The following TTC17 variants were observed in gnomAD, a reference collection of about 807,000 sequenced individuals.
The protein encoded by TTC17 is tetratricopeptide repeat protein 17.
In TTC17, 58 loss-of-function variants were observed where a neutral mutation model predicts 143.8. The observed-to-expected ratio is 0.40, with a 90% confidence interval of 0.33 to 0.50. The LOEUF (loss-of-function observed/expected upper bound fraction) is 0.50, where lower values mean the gene tolerates loss of function less well. TTC17 is among the 20% of genes least tolerant of loss of function. The pLI, the probability that TTC17 is intolerant of heterozygous loss-of-function variation, is 0.49. For synonymous variants in TTC17, 501 were observed against 497.8 expected, an observed-to-expected ratio of 1.01 and a Z score of -0.09; for missense variants, 1,273 against 1,392.5, an observed-to-expected ratio of 0.91 and a Z score of 1.37.
intron 21 of TTC17, among the ~76,000 whole-genome samples, chr11:43,476,690 CT>C (rs1180273171): frequency 6.6e-6 from 1 of 152,354 alleles, no homozygotes; most frequent in East Asian, 1.9e-4. Flanking sequence ...GGCACCAAGT[CT>C]CTAGGCTGCA....
intron 19 of TTC17, chr11:43,449,181 T>G (rs1302772288): frequency 6.6e-6 from 1 of 152,234 alleles, no homozygotes; most frequent in Non-Finnish European, 1.5e-5. Flanking sequence ...CTTAAAGCAC[T>G]CTAGGAAATT....
intron 21 of TTC17, among the ~76,000 whole-genome samples, chr11:43,466,092 T>C (rs895537622): frequency 2.0e-5 from 3 of 151,928 alleles, no homozygotes; most frequent in Non-Finnish European, 4.4e-5. Context: ...AAAAACAAAA[T>C]AACCCAATTA....
intron 2 of TTC17, among the ~76,000 whole-genome samples, chr11:43,383,157 A>C (rs1017982763): frequency 6.6e-6 from 1 of 152,126 alleles, no homozygotes; most frequent in Non-Finnish European, 1.5e-5. Context: ...TTGGGCTCCC[A>C]AAGGGCTGGG....
Position 43,492,021 on chromosome 11 carries a change from A to G in TTC17, c.3152A>G (p.Asp1051Gly). ...ALHYAPHQMKDVPLISLANIL... is the reference protein window; with the variant it reads ...ALHYAPHQMKGVPLISLANIL... ...TCACCATTCTCCTTCTTCTCCCAGG[A>G]TGTGCCCCTGATTAGCCTGGCCAAC... The change falls in exon 23 of 24, where the codon GAT (aspartate) becomes GGT (glycine). Residue 1051 changes from aspartate to glycine, a missense_variant and splice_region_variant. Around this residue, in one of 3 missense-constraint regions of TTC17, gnomAD observed 878 missense variants for 899.8 expected, o/e 0.98. Coordinates refer to ENST00000039989, the MANE Select transcript of TTC17 (RefSeq NM_018259.6). The G allele has an allele frequency of 6.2e-7, 1 of 1,613,502 alleles. No homozygotes were observed. The highest frequency in any genetic ancestry group is 8.5e-7 in the Non-Finnish European group (1 of 1,179,774).
rs747434307 is a variant in TTC17, at chr11:43,449,846, G to A, written c.2787-236G>A. On this transcript the variant is annotated intron_variant, in intron 19 of 23. Coordinates refer to ENST00000039989, the MANE Select transcript of TTC17 (RefSeq NM_018259.6). Reference sequence around the variant, plus strand: ...TTTCTGTGGGGAGGAATGTGCTGCTGTGCATAAAAGAAAACTAAAAGATAT... The same window carrying A: ...TTTCTGTGGGGAGGAATGTGCTGCTATGCATAAAAGAAAACTAAAAGATAT... The A allele has an allele frequency of 1.2e-4, 56 of 479,222 alleles. 1 individual carries two copies. The highest frequency in any genetic ancestry group is 5.5e-4 in the Middle Eastern group (1 of 1,816). 29.7% of individuals were successfully genotyped at this position (479,222 alleles called of 1,614,324 possible).
chr11:43,401,351 G>T, intron 9 of TTC17, 95 bp from the exon 10 acceptor site: 1 of 740,816 alleles, frequency 1.3e-6, no homozygotes, highest in South Asian at 1.8e-5. Flanking sequence ...GGCTCTGAGG[G>T]ATACAGGGTT....
At chr11:43,436,835 C>T (rs1466840947) in intron 16 of TTC17, among the ~76,000 whole-genome samples, 1 of 152,182 alleles carries the variant, frequency 6.6e-6, no homozygotes, top group African/African-American at 2.4e-5. Context: ...TAACTCATCC[C>T]CACTTCTTGA....
chr11:43,436,316 G>C, intron 16 of TTC17: 1 of 1,300,826 alleles, frequency 7.7e-7, no homozygotes, highest in Non-Finnish European at 9.8e-7. Flanking sequence ...GAGGGACTCA[G>C]ATGCCCTTAG....
chr11:43,421,548 A>G (rs1946904667), intron 16 of TTC17, among the ~76,000 whole-genome samples: 1 of 152,260 alleles, frequency 6.6e-6, no homozygotes, highest in Non-Finnish European at 1.5e-5. Flanking sequence ...CCTGAGCTCC[A>G]CCTTCTGTCA....
intron 18 of TTC17, 32 bp from the exon 19 acceptor site, chr11:43,447,970 T>C: frequency 6.2e-7 from 1 of 1,609,794 alleles, no homozygotes; most frequent in Non-Finnish European, 8.5e-7. Context: ...TCCTTTGCAA[T>C]TGTGTGGATT....
At chr11:43,411,814 T>G (rs1034980500) in intron 15 of TTC17, among the ~76,000 whole-genome samples, 5 of 152,212 alleles carry the variant, frequency 3.3e-5, no homozygotes, top group African/African-American at 1.2e-4. Context: ...AGTAATAGTT[T>G]GAATGTAATC....
At chr11:43,432,287 T>C (rs1947176807) in intron 16 of TTC17, among the ~76,000 whole-genome samples, 2 of 152,232 alleles carry the variant, frequency 1.3e-5, no homozygotes, top group South Asian at 4.1e-4. Context: ...GATAGGTTAG[T>C]ATTAATTACC....
intron 23 of TTC17, among the ~76,000 whole-genome samples, chr11:43,493,476 A>G (rs1029279416): frequency 2.6e-5 from 4 of 152,174 alleles, no homozygotes; most frequent in Admixed American, 2.6e-4. Flanking sequence ...TCTCATTATT[A>G]CCACAATTAT....
Position 43,494,025 on chromosome 11 carries a change from A to C in TTC17, c.*121A>C. On this transcript the variant is annotated 3_prime_UTR_variant, in exon 24 of 24. Transcript: ENST00000039989. ...TGTGTGAAAATAACTAAGACTTATA[A>C]CAGGACTTTTACATATGTGGGAATT... 7.4e-7 allele frequency: 1 copy of C among 1,343,744 alleles called. No homozygotes were observed. The highest frequency in any genetic ancestry group is 9.9e-7 in the Non-Finnish European group (1 of 1,010,014). The allele number at this position is 1,343,744 out of a possible 1,614,324, so 83.2% of individuals were successfully genotyped here.
chr11:43,409,970 T>C (rs1858333749), intron 15 of TTC17, among the ~76,000 whole-genome samples: 1 of 151,394 alleles, frequency 6.6e-6, no homozygotes. Context: ...GACTCTGGAG[T>C]AGTTGGGATT....
Position 43,407,485 on chromosome 11 carries a change from C to T in TTC17, c.1972C>T (p.Leu658Phe). ...LAPLQYQDVP[L>F]VNLANLLIHY... ...TCCACTTCAATACCAAGATGTTCCT[C>T]TTGTCAACTTGGCCAACCTTTTGAT... The change falls in exon 15 of 24, where the codon CTT becomes TTT. Residue 658 changes from leucine to phenylalanine, a missense_variant. Physicochemically the swap from Leu to Phe is conservative, Grantham distance 22. Transcript: ENST00000039989. The T allele has an allele frequency of 6.2e-7, 1 of 1,614,050 alleles. No homozygotes were observed. Among genetic ancestry groups the T allele is most frequent in the Non-Finnish European group, 8.5e-7 (1 of 1,179,982 alleles).
intron 10 of TTC17, among the ~76,000 whole-genome samples, chr11:43,403,694 A>G (rs182047833): frequency 1.7e-4 from 22 of 130,600 alleles, no homozygotes; most frequent in Non-Finnish European, 3.1e-4. Flanking sequence ...AGATTTCTCA[A>G]TTAGCTAATT....
At position 43,444,108 on chromosome 11, in the gene TTC17, C is replaced by G. The variant is rs1241703954; in HGVS notation, c.2564C>G (p.Thr855Ser). 2 of 1,613,006 alleles carry G rather than the reference C, an allele frequency of 1.2e-6. No individual in the cohort carries two copies. The highest frequency in any genetic ancestry group is 2.7e-5 in the African/African-American group (2 of 74,842). Residue 855 changes from threonine (T) to serine (S), a missense_variant, in exon 18 of 24, where the codon ACT becomes AGT. Around this residue, in one of 3 missense-constraint regions of TTC17, gnomAD observed 878 missense variants for 899.8 expected, o/e 0.98. Transcript: ENST00000039989. ...AAACCCAAAGGAGATCATAAGAAAA[C>G]TCCTGGGAAAAAAGTAGAAACAGGT... ...VKKPKGDHKK[T>S]PGKKVETGQI...
rs1399459684 is a variant in TTC17, at chr11:43,379,225, G to A, written c.160-8G>A. Reference sequence around the variant, plus strand: ...TCCGAGCTTTATTTATTTATTGCTTGCTTGCAGGTGGATTCACCAATGAAC... The same window carrying A: ...TCCGAGCTTTATTTATTTATTGCTTACTTGCAGGTGGATTCACCAATGAAC... On this transcript the variant is annotated splice_region_variant and splice_polypyrimidine_tract_variant and intron_variant, in intron 1 of 23. Transcript: ENST00000039989. 2 of 1,610,394 alleles carry A rather than the reference G, an allele frequency of 1.2e-6. No homozygotes were observed. Among genetic ancestry groups the A allele is most frequent in the African/African-American group, 1.3e-5 (1 of 74,754 alleles).
Sources: allele counts gnomAD v4.1 joint callset (sites outside exome capture counted in the v4.1 genomes callset), GRCh38; gene constraint gnomAD v4.1.1; regional missense constraint gnomAD v4.1.1; transcripts MANE v1.5; gene names NCBI Gene and HGNC (gene_info 2026-07-23, HGNC 2026-07-21).